The following SLC25A26 variants were observed in gnomAD, a reference collection of about 807,000 sequenced individuals.
The protein encoded by SLC25A26 is mitochondrial S-adenosylmethionine carrier protein.
In SLC25A26, 36 loss-of-function variants were observed where a neutral mutation model predicts 37.8. That is an observed-to-expected ratio of 0.95 (90% CI 0.73 to 1.26). SLC25A26 has a LOEUF of 1.26. SLC25A26 is among the 50% of genes most tolerant of loss of function. The pLI is 0.00. For synonymous variants in SLC25A26, 129 were observed against 122.5 expected, an observed-to-expected ratio of 1.05 and a Z score of -0.35; for missense variants, 390 against 331.1, an observed-to-expected ratio of 1.18 and a Z score of -1.38.
intron 5 of SLC25A26, among the ~76,000 whole-genome samples, chr3:66,325,028 G>A (rs1255813223): frequency 6.6e-6 from 1 of 152,062 alleles, no homozygotes; most frequent in Non-Finnish European, 1.5e-5. Context: ...ATCTTATTAG[G>A]GGGTGGAGAG....
intron 1 of SLC25A26, among the ~76,000 whole-genome samples, chr3:66,171,590 A>G (rs143610939): frequency 6.6e-6 from 1 of 152,142 alleles, no homozygotes; most frequent in East Asian, 1.9e-4. Flanking sequence ...CTCAGGCTTA[A>G]GTATTTCTCA....
intron 6 of SLC25A26, among the ~76,000 whole-genome samples, chr3:66,354,741 G>T (rs2076537027): frequency 6.6e-6 from 1 of 152,096 alleles, no homozygotes; most frequent in South Asian, 2.1e-4. Flanking sequence ...AACCCAGTGG[G>T]AGGGGATTGA....
intron 1 of SLC25A26, among the ~76,000 whole-genome samples, chr3:66,209,513 ATTC>A (rs1322353096): frequency 1.2e-4 from 17 of 142,188 alleles, no homozygotes; most frequent in African/African-American, 3.3e-4. Context: ...ATAGTTATAT[ATTC>A]TTTGTGTTTT....
chr3:66,232,610 G>A (rs545430769), intron 1 of SLC25A26, among the ~76,000 whole-genome samples: 12 of 152,312 alleles, frequency 7.9e-5, no homozygotes, highest in African/African-American at 2.9e-4. Context: ...TGGAGATTAG[G>A]GGGCATCTGT....
intron 5 of SLC25A26, among the ~76,000 whole-genome samples, chr3:66,278,986 A>C (rs888485388): frequency 6.6e-6 from 1 of 152,130 alleles, no homozygotes; most frequent in Non-Finnish European, 1.5e-5. Context: ...GTAGTGTGCT[A>C]AGGCTGTATT....
intron 1 of SLC25A26, among the ~76,000 whole-genome samples, chr3:66,175,885 C>G (rs1404075458): frequency 6.6e-6 from 1 of 152,210 alleles, no homozygotes; most frequent in East Asian, 1.9e-4. Flanking sequence ...TCTGAGAATA[C>G]TGTTTGACCA....
chr3:66,292,565 T>G (rs796382094), intron 5 of SLC25A26, among the ~76,000 whole-genome samples: 28 of 152,300 alleles, frequency 1.8e-4, no homozygotes, highest in African/African-American at 6.0e-4. Context: ...GAAGCTTAGT[T>G]CGGCTGGATT....
chr3:66,370,473 A>T, intron 8 of SLC25A26, 56 bp from the exon 9 acceptor site: 1 of 1,368,810 alleles, frequency 7.3e-7, no homozygotes, highest in Non-Finnish European at 1.0e-6. Context: ...CTGAGAGGCA[A>T]GTGTGTGATT....
intron 5 of SLC25A26, among the ~76,000 whole-genome samples, chr3:66,278,752 C>T (rs1186479917): frequency 6.6e-6 from 1 of 152,164 alleles, no homozygotes. Context: ...GAGGCTGTTG[C>T]TTTCTTTTTG....
intron 5 of SLC25A26, among the ~76,000 whole-genome samples, chr3:66,266,154 A>G (rs897132503): frequency 7.4e-5 from 8 of 108,560 alleles, no homozygotes; most frequent in Non-Finnish European, 1.1e-4. Flanking sequence ...GGTCTTCTGC[A>G]TTATGCATAT....
chr3:66,192,235 G>A (rs1405309536), intron 1 of SLC25A26, among the ~76,000 whole-genome samples: 1 of 148,020 alleles, frequency 6.8e-6, no homozygotes, highest in Non-Finnish European at 1.5e-5. Context: ...AGAATCGCTT[G>A]CACCTGGGAG....
At chr3:66,160,773 A>G (rs918693448) in intron 1 of SLC25A26, among the ~76,000 whole-genome samples, 1 of 152,126 alleles carries the variant, frequency 6.6e-6, no homozygotes, top group East Asian at 1.9e-4. Context: ...CGTCTCTACT[A>G]AAAACACAAA....
At chr3:66,201,860 G>A (rs912432992) in intron 1 of SLC25A26, among the ~76,000 whole-genome samples, 2 of 152,082 alleles carry the variant, frequency 1.3e-5, no homozygotes, top group South Asian at 2.1e-4. Flanking sequence ...AGAGTTTCAC[G>A]ATTAAACTAC....
intron 1 of SLC25A26, among the ~76,000 whole-genome samples, chr3:66,136,407 T>C (rs777012827): frequency 2.0e-5 from 3 of 152,226 alleles, no homozygotes; most frequent in Non-Finnish European, 2.9e-5. Flanking sequence ...TCACTCTCCA[T>C]TGGCCTATAG....
chr3:66,201,302 T>G (rs961158595), intron 1 of SLC25A26, among the ~76,000 whole-genome samples: 209 of 151,864 alleles, frequency 1.4e-3, no homozygotes, highest in African/African-American at 4.8e-3. Context: ...AAAATATATG[T>G]TGATATATAT....
At chr3:66,138,933 G>T (rs1341258253) in intron 1 of SLC25A26, among the ~76,000 whole-genome samples, 1 of 152,096 alleles carries the variant, frequency 6.6e-6, no homozygotes, top group Non-Finnish European at 1.5e-5. Flanking sequence ...CATTCTTTTT[G>T]AGATTCTTTT....
intron 3 of SLC25A26, among the ~76,000 whole-genome samples, chr3:66,255,969 C>T (rs1053321631): frequency 1.3e-5 from 2 of 152,044 alleles, no homozygotes; most frequent in Non-Finnish European, 2.9e-5. Flanking sequence ...TCTTCTGCAT[C>T]TGTATTTTTA....
At chr3:66,183,230 G>A (rs906307522) in intron 1 of SLC25A26, among the ~76,000 whole-genome samples, 8 of 151,652 alleles carry the variant, frequency 5.3e-5, no homozygotes, top group Non-Finnish European at 8.8e-5. Context: ...TTGAACCATA[G>A]CCTCAGCCTG....
chr3:66,375,388 A>G (rs1700587560), intron 9 of SLC25A26, among the ~76,000 whole-genome samples: 1 of 152,236 alleles, frequency 6.6e-6, no homozygotes, highest in Admixed American at 6.5e-5. Flanking sequence ...GGTAGATGAA[A>G]CAGCCTTCGA....
Sources: gnomAD v4.1 joint callset for allele counts (sites outside exome capture counted in the v4.1 genomes callset) on GRCh38, gnomAD v4.1.1 for gene constraint, MANE v1.5 for transcripts, NCBI Gene and HGNC (gene_info 2026-07-23, HGNC 2026-07-21) for gene names.